The following UGT2B7 variants were observed in gnomAD, a reference collection of about 807,000 sequenced individuals.
UGT2B7 encodes the protein UDP-glucuronosyltransferase 2B7.
In UGT2B7, 51 loss-of-function variants were observed where a neutral mutation model predicts 51.9. The ratio of observed to expected loss-of-function variants is 0.98; its 90% CI spans 0.78 to 1.24. The LOEUF is 1.24. Ranked by LOEUF, UGT2B7 falls within the 50% of genes most tolerant of loss-of-function variation. The pLI, the probability that UGT2B7 is intolerant of heterozygous loss-of-function variation, is 0.00. For missense variants in UGT2B7, 727 were observed against 628.4 expected (o/e 1.16, Z -1.68); for synonymous variants, 225 against 211.6 (o/e 1.06, Z -0.55).
rs187286893 is a variant in UGT2B7, at chr4:69,075,282, A to G, written c.-158-14190A>G. On this transcript the variant is annotated intron_variant, in intron 1 of 5. Coordinates refer to the UGT2B7 transcript ENST00000502942. Reference sequence around the variant, plus strand: ...TTGTGGCTTGCTTAGCAAATAAATTATACTGAAAGTGACAGCATAATTTGG... The same window carrying G: ...TTGTGGCTTGCTTAGCAAATAAATTGTACTGAAAGTGACAGCATAATTTGG... Among the ~76,000 whole-genome samples the G allele has an allele frequency of 2.1e-4, 32 of 152,290 alleles. No individual in the cohort carries two copies. In the East Asian group the frequency reaches 6.0e-3, roughly 28 times the overall value.
At chr4:69,064,112 A>AGAGAGAGAGAGAAAGAAAG (rs1718433031) in intron 1 of UGT2B7, among the ~76,000 whole-genome samples, 5 of 86,834 alleles carry the variant, frequency 5.8e-5, no homozygotes, top group Non-Finnish European at 4.3e-5. Context: ...GAAAGAAAGA[A>AGAGAGAGAGAGAAAGAAAG]AAAGAAAGAA....
intron 2 of UGT2B7, among the ~76,000 whole-genome samples, chr4:69,099,746 GTTA>G (rs1459475746): frequency 1.3e-5 from 2 of 151,996 alleles, no homozygotes; most frequent in African/African-American, 4.8e-5. Flanking sequence ...TGGCTATTTT[GTTA>G]TTATTACTAA....
At chr4:69,085,766 A>G (rs1350128449) in intron 1 of UGT2B7, among the ~76,000 whole-genome samples, 2 of 151,820 alleles carry the variant, frequency 1.3e-5, no homozygotes, top group African/African-American at 2.4e-5. Flanking sequence ...GGTTGGTGGT[A>G]TGTGTCCAAA....
chr4:69,066,878 G>T (rs1312838436), intron 1 of UGT2B7, among the ~76,000 whole-genome samples: 1 of 152,008 alleles, frequency 6.6e-6, no homozygotes, highest in Non-Finnish European at 1.5e-5. Flanking sequence ...ATGATCTCCT[G>T]CATTTTCTAT....
intron 1 of UGT2B7, among the ~76,000 whole-genome samples, chr4:69,059,117 C>T (rs927683868): frequency 6.6e-6 from 1 of 152,184 alleles, no homozygotes; most frequent in South Asian, 2.1e-4. Flanking sequence ...CTAGGACAGA[C>T]CAGGCTGCTT....
intron 1 of UGT2B7, among the ~76,000 whole-genome samples, chr4:69,079,742 T>C (rs1330258118): frequency 6.6e-6 from 1 of 152,088 alleles, no homozygotes; most frequent in Non-Finnish European, 1.5e-5. Context: ...CCTCTCCGGA[T>C]AGGGTCAAGT....
chr4:69,086,091 T>C (rs1463796883), intron 1 of UGT2B7, among the ~76,000 whole-genome samples: 4 of 151,796 alleles, frequency 2.6e-5, no homozygotes, highest in Non-Finnish European at 5.9e-5. Flanking sequence ...CTATAGGTTG[T>C]TTATTTAAGA....
rs764841244 is a variant in UGT2B7, at chr4:69,102,817, A to T, written c.881A>T (p.Asp294Val). 5 of 1,612,836 alleles carry T rather than the reference A, an allele frequency of 3.1e-6. No homozygotes were observed. The highest frequency in any genetic ancestry group is 3.3e-5 in the Admixed American group (2 of 59,792). Reference sequence around the variant, plus strand: ...ATTCTTTCTTCACAGGAAATGGAAGACTTTGTACAGAGCTCTGGAGAAAAT... The same window carrying T: ...ATTCTTTCTTCACAGGAAATGGAAGTCTTTGTACAGAGCTCTGGAGAAAAT... ...PAKPLPKEME[D>V]FVQSSGENGV... is the part of the protein sequence containing the mutation. Residue 294 changes from aspartate (D) to valine (V), a missense_variant, in exon 3 of 6, where the codon GAC becomes GTC. Coordinates refer to ENST00000305231, the MANE Select transcript of UGT2B7 (RefSeq NM_001074.4).
intron 1 of UGT2B7, among the ~76,000 whole-genome samples, chr4:69,069,108 A>G (rs549524687): frequency 4.3e-4 from 66 of 151,982 alleles, no homozygotes; most frequent in Non-Finnish European, 7.8e-4. Flanking sequence ...ACTTTAAAAA[A>G]AAAAAAAAAG....
rs377489223 is a variant in UGT2B7, at chr4:69,096,784, T to C, written c.264T>C (p.Asn88=). The C allele has an allele frequency of 5.0e-6, 8 of 1,613,892 alleles. No individual in the cohort carries two copies. The African/African-American group carries it at 9.3e-5, about 19-fold the overall frequency. Residue 88 remains asparagine (N), a synonymous_variant, in exon 1 of 6, where the codon AAT becomes AAC. Coordinates refer to ENST00000305231, the MANE Select transcript of UGT2B7 (RefSeq NM_001074.4). Reference sequence around the variant, plus strand: ...CTTTAACTAAAACTGAGTTGGAGAATTTCATCATGCAACAGATTAAGAGAT... The same window carrying C: ...CTTTAACTAAAACTGAGTTGGAGAACTTCATCATGCAACAGATTAAGAGAT... ...PTSLTKTELE[N]FIMQQIKRWS... is the part of the protein sequence containing the mutation.
chr4:69,106,756 CATG>C (rs774994982), intron 3 of UGT2B7, among the ~76,000 whole-genome samples: 68 of 152,126 alleles, frequency 4.5e-4, no homozygotes, highest in Non-Finnish European at 1.5e-4. Flanking sequence ...TCACCAGTAT[CATG>C]ATATTTTTTG....
intron 3 of UGT2B7, among the ~76,000 whole-genome samples, chr4:69,105,929 T>C (rs1418471951): frequency 6.6e-6 from 1 of 152,096 alleles, no homozygotes; most frequent in African/African-American, 2.4e-5. Flanking sequence ...AAGATATGAA[T>C]ACATTAAAAT....
chr4:69,060,707 TG>T (rs1215297104), intron 1 of UGT2B7, among the ~76,000 whole-genome samples: 1 of 152,220 alleles, frequency 6.6e-6, no homozygotes, highest in Non-Finnish European at 1.5e-5. Context: ...ACTGCTCGGC[TG>T]GCACAGGAAG....
chr4:69,074,427 A>AATAT lies in UGT2B7; in HGVS notation c.-158-15029_-158-15026dup, dbSNP rs143693621. ...GACGATGGAATAACACCTTATCTTA[A>AATAT]ATATATATATATATATATAAATTAA... On this transcript the variant is annotated intron_variant, in intron 1 of 5. Transcript: ENST00000502942. Among the ~76,000 whole-genome samples, 804 of 116,064 alleles carry AATAT rather than the reference A, an allele frequency of 6.9e-3. 7 individuals carry two copies. Among genetic ancestry groups the AATAT allele is most frequent in the Middle Eastern group, 0.049 (11 of 224 alleles). 76.1% of individuals were successfully genotyped at this position (116,064 alleles called of 152,430 possible). A position where few individuals can be genotyped will look rare whatever the true frequency, so the allele number is the denominator to read the frequency against.
chr4:69,057,365 TG>T (rs1203259722), intron 1 of UGT2B7, among the ~76,000 whole-genome samples: 1 of 152,184 alleles, frequency 6.6e-6, no homozygotes, highest in Non-Finnish European at 1.5e-5. Context: ...CTTGCATGAC[TG>T]TGCATTAATA....
In UGT2B7 at chr4:69,106,643, T is replaced by C. The variant is rs188771998; in HGVS notation, c.1003-532T>C. On this transcript the variant is annotated intron_variant, in intron 3 of 5. Coordinates refer to ENST00000305231, the MANE Select transcript of UGT2B7 (RefSeq NM_001074.4). Reference sequence around the variant, plus strand: ...GTAATGGGATTGCTGGGTTTCATGGTATTTTTACCTCTAGGTTTTTGAGGA... The same window carrying C: ...GTAATGGGATTGCTGGGTTTCATGGCATTTTTACCTCTAGGTTTTTGAGGA... Among the ~76,000 whole-genome samples the C allele has an allele frequency of 5.5e-4, 84 of 152,230 alleles. 1 individual carries two copies. The highest frequency in any genetic ancestry group is 1.9e-3 in the African/African-American group (79 of 41,548).
intron 1 of UGT2B7, among the ~76,000 whole-genome samples, chr4:69,060,745 G>C (rs1718327204): frequency 6.6e-6 from 1 of 152,228 alleles, no homozygotes; most frequent in Non-Finnish European, 1.5e-5. Flanking sequence ...AGGACAGCAA[G>C]TGACAATCCA....
chr4:69,052,531 C>A (rs1484728660), intron 1 of UGT2B7, among the ~76,000 whole-genome samples: 2 of 10,688 alleles, frequency 1.9e-4, no homozygotes, highest in Non-Finnish European at 1.6e-4. Context: ...CCAAAGACAT[C>A]AAAAAAGTTT....
intron 5 of UGT2B7, among the ~76,000 whole-genome samples, chr4:69,111,296 G>T (rs1281668943): frequency 1.3e-5 from 2 of 152,112 alleles, no homozygotes; most frequent in Admixed American, 6.5e-5. Context: ...ATAATGAGAA[G>T]CCAGGCAAAA....
Sources: gnomAD v4.1 joint callset for allele counts (sites outside exome capture counted in the v4.1 genomes callset) on GRCh38, gnomAD v4.1.1 for gene constraint, MANE v1.5 for transcripts, NCBI Gene and HGNC (gene_info 2026-07-23, HGNC 2026-07-21) for gene names.